Variants in MTMR3 observed in about 807,000 individuals in gnomAD.
MTMR3 encodes the protein phosphatidylinositol-3,5-bisphosphate 3-phosphatase MTMR3.
A neutral mutation model predicts 132.4 loss-of-function variants in MTMR3; 32 were observed. That is an observed-to-expected ratio of 0.24 (90% CI 0.18 to 0.32). The LOEUF is 0.32. Among genes scored for constraint, MTMR3 ranks in the 10% least tolerant of loss-of-function variants. The pLI, the probability that MTMR3 is intolerant of heterozygous loss-of-function variation, is 1.00. For synonymous variants in MTMR3, 556 were observed against 550.3 expected (o/e 1.01, Z -0.14); for missense variants, 1,216 against 1,489.6 (o/e 0.82, Z 3.02).
rs374399061 is a variant in MTMR3, at chr22:29,973,126, A to T, written c.3+2064A>T. 2.6e-5 allele frequency among the ~76,000 whole-genome samples: 4 copies of T among 152,178 alleles called. No homozygotes were observed. In the East Asian group the frequency reaches 7.7e-4, roughly 29 times the overall value. On this transcript the variant is annotated intron_variant, in intron 3 of 19. Coordinates refer to ENST00000401950, the MANE Select transcript of MTMR3 (RefSeq NM_021090.4). ...TTAATCCTTAGTTTTTGTGTAGACA[A>T]TTCAGGAGCATTGAACATTCTTTTT...
intron 2 of MTMR3, among the ~76,000 whole-genome samples, chr22:29,963,190 A>G (rs1012129868): frequency 1.3e-5 from 2 of 151,220 alleles, no homozygotes; most frequent in African/African-American, 4.9e-5. Context: ...TGAGTGATCC[A>G]CCTCCCTGGA....
At chr22:29,938,922 A>G (rs1326332043) in intron 1 of MTMR3, among the ~76,000 whole-genome samples, 5 of 151,936 alleles carry the variant, frequency 3.3e-5, no homozygotes, top group East Asian at 1.9e-4. Context: ...CCCGGGTTCA[A>G]CCGATTCTCC....
At chr22:30,011,089 G>A (rs1448102411) in intron 12 of MTMR3, 1 of 152,152 alleles carries the variant, frequency 6.6e-6, no homozygotes, top group Non-Finnish European at 1.5e-5. Context: ...CACCTCCTTA[G>A]ACTATGCCAA....
intron 1 of MTMR3, among the ~76,000 whole-genome samples, chr22:29,888,447 TAGTA>T (rs1568990706): frequency 6.6e-6 from 1 of 152,150 alleles, no homozygotes; most frequent in Non-Finnish European, 1.5e-5. Context: ...GTCTATAAAA[TAGTA>T]AGGCATGAAA....
In MTMR3 at chr22:30,003,006, G is replaced by C; in HGVS notation, c.671+13G>C. 6.2e-7 allele frequency: 1 copy of C among 1,603,962 alleles called. No individual in the cohort carries two copies. The highest frequency in any genetic ancestry group is 1.3e-5 in the African/African-American group (1 of 74,870). Reference sequence around the variant, plus strand: ...CCGTCATCTACAGGTAAGTTAAACTGGACCAGTCCCAGCTTGGGCTGGTGC... The same window carrying C: ...CCGTCATCTACAGGTAAGTTAAACTCGACCAGTCCCAGCTTGGGCTGGTGC... On this transcript the variant is annotated intron_variant, in intron 9 of 19. Coordinates refer to ENST00000401950, the MANE Select transcript of MTMR3 (RefSeq NM_021090.4).
intron 1 of MTMR3, among the ~76,000 whole-genome samples, chr22:29,945,819 TA>T (rs1354452708): frequency 1.3e-5 from 2 of 151,960 alleles, no homozygotes; most frequent in East Asian, 3.9e-4. Context: ...TAATAGCAGT[TA>T]AAAAAAATTT....
intron 2 of MTMR3, among the ~76,000 whole-genome samples, chr22:29,966,720 G>C (rs1312675147): frequency 8.6e-6 from 1 of 116,178 alleles, no homozygotes; most frequent in African/African-American, 3.6e-5. Flanking sequence ...GACCTGTAGG[G>C]GTGTGCGTGT....
intron 1 of MTMR3, among the ~76,000 whole-genome samples, chr22:29,923,456 G>C (rs1365253641): frequency 6.6e-6 from 1 of 151,922 alleles, no homozygotes; most frequent in East Asian, 1.9e-4. Flanking sequence ...CTGCCACCTT[G>C]GCCTCCCAAA....
chr22:29,965,189 A>G (rs1311280860), intron 2 of MTMR3, among the ~76,000 whole-genome samples: 3 of 151,886 alleles, frequency 2.0e-5, no homozygotes, highest in Non-Finnish European at 2.9e-5. Context: ...ATGGTATATA[A>G]GTTGTATTAA....
chr22:30,018,336 A>G (rs187712530), intron 16 of MTMR3: 9 of 385,472 alleles, frequency 2.3e-5, no homozygotes, highest in African/African-American at 8.4e-5. Context: ...CAAATCCTCC[A>G]GTTTTTCTGT....
intron 5 of MTMR3, chr22:29,984,051 T>C (rs1466254539): frequency 6.6e-6 from 1 of 152,136 alleles, no homozygotes; most frequent in Non-Finnish European, 1.5e-5. Flanking sequence ...ACTCCTGGGC[T>C]CAAGCGATCC....
intron 1 of MTMR3, among the ~76,000 whole-genome samples, chr22:29,890,730 C>T (rs2064780570): frequency 6.6e-6 from 1 of 152,152 alleles, no homozygotes; most frequent in Non-Finnish European, 1.5e-5. Flanking sequence ...TCTTTTTCAG[C>T]ATCAGGACTT....
intron 1 of MTMR3, among the ~76,000 whole-genome samples, chr22:29,902,474 C>A (rs918514332): frequency 2.7e-5 from 4 of 146,614 alleles, no homozygotes; most frequent in Non-Finnish European, 5.9e-5. Flanking sequence ...GTGGCGCGAT[C>A]TCCTGTCTCA....
At position 30,007,094 on chromosome 22, in the gene MTMR3, G is replaced by A. The variant is rs750902684; in HGVS notation, c.672-20G>A. The A allele has an allele frequency of 2.5e-6, 4 of 1,612,248 alleles. No homozygotes were observed. The highest frequency in any genetic ancestry group is 3.4e-6 in the Non-Finnish European group (4 of 1,179,488). On this transcript the variant is annotated intron_variant, in intron 9 of 19. Transcript: ENST00000401950. Reference sequence around the variant, plus strand: ...GAGCATCTGAATGGGTACAGTTGTTGTCTCTTGTTCCTCACACAGGCACCA... The same window carrying A: ...GAGCATCTGAATGGGTACAGTTGTTATCTCTTGTTCCTCACACAGGCACCA...
chr22:29,923,223 TTTTTTTATTTTTA>T (rs1323028188), intron 1 of MTMR3, among the ~76,000 whole-genome samples: 1 of 151,468 alleles, frequency 6.6e-6, no homozygotes, highest in African/African-American at 2.4e-5. Context: ...TTGTAGTTTT[TTTTTTTATTTTTA>T]TTTTTTATTT....
chr22:29,945,282 G>GT (rs2065930737), intron 1 of MTMR3, among the ~76,000 whole-genome samples: 1 of 152,142 alleles, frequency 6.6e-6, no homozygotes, highest in South Asian at 2.1e-4. Flanking sequence ...TGGAATTACA[G>GT]TTGTGAGCCA....
At chr22:29,905,438 T>C (rs1355787592) in intron 1 of MTMR3, among the ~76,000 whole-genome samples, 1 of 152,182 alleles carries the variant, frequency 6.6e-6, no homozygotes, top group African/African-American at 2.4e-5. Flanking sequence ...ACTTGTATCA[T>C]AGTTGATATA....
intron 6 of MTMR3, chr22:29,988,885 G>T (rs1294238811): frequency 6.1e-6 from 1 of 163,990 alleles, no homozygotes; most frequent in Admixed American, 6.2e-5. Context: ...GCAGAGGCGT[G>T]TGTGTATGTG....
In MTMR3 at chr22:30,020,650, C is replaced by T. The variant is rs1486597092; in HGVS notation, c.2991C>T (p.His997=). The change falls in exon 17 of 20, where the codon CAC becomes CAT. Residue 997 remains histidine (H), a synonymous_variant. Transcript: ENST00000401950. The part of the protein sequence containing the change: ...RNLHHKWLHS[H]SGRPSATSSP... ...TGCACCACAAGTGGCTGCATAGCCA[C>T]TCAGGAAGGCCATCTGCAACCAGCA... is the stretch of plus-strand genomic sequence containing the variant. The T allele has an allele frequency of 6.2e-7, 1 of 1,614,218 alleles. No individual in the cohort carries two copies. Among genetic ancestry groups the T allele is most frequent in the Non-Finnish European group, 8.5e-7 (1 of 1,180,046 alleles).
Sources: gnomAD v4.1 joint callset for allele counts (sites outside exome capture counted in the v4.1 genomes callset) on GRCh38, gnomAD v4.1.1 for gene constraint, MANE v1.5 for transcripts, NCBI Gene and HGNC (gene_info 2026-07-23, HGNC 2026-07-21) for gene names.